Variants in LMBR1 observed in about 807,000 individuals in gnomAD.
LMBR1 encodes limb development membrane protein 1, also known as limb region 1 protein homolog.
In LMBR1, 52 loss-of-function variants were observed where a neutral mutation model predicts 73.9. The ratio of observed to expected loss-of-function variants is 0.70; its 90% CI spans 0.56 to 0.89. The LOEUF (loss-of-function observed/expected upper bound fraction) is 0.89. Ranked by LOEUF, LMBR1 falls within the 40% of genes least tolerant of loss-of-function variation. LMBR1 has a pLI of 0.00. For synonymous variants in LMBR1, 215 were observed against 209.4 expected (o/e 1.03, Z -0.23); for missense variants, 539 against 579.8 (o/e 0.93, Z 0.72).
At position 156,680,879 on chromosome 7, in the gene LMBR1, A is replaced by G. The variant is rs1172321321; in HGVS notation, c.*3199T>C. Reference sequence around the variant, plus strand: ...ATAAATGCTTATAAACCAAATATGAAATCACTTTTTGTACAACTTTTAATT... The same window carrying G: ...ATAAATGCTTATAAACCAAATATGAGATCACTTTTTGTACAACTTTTAATT... On this transcript the variant is annotated 3_prime_UTR_variant, in exon 17 of 17. Coordinates refer to ENST00000353442, the MANE Select transcript of LMBR1 (RefSeq NM_022458.4). 1.7e-5 allele frequency: 4 copies of G among 237,040 alleles called. No homozygotes were observed. Among genetic ancestry groups the G allele is most frequent in the Non-Finnish European group, 8.2e-6 (1 of 122,268 alleles). 14.7% of individuals were successfully genotyped at this position (237,040 alleles called of 1,614,324 possible). A position where few individuals can be genotyped will look rare whatever the true frequency, so the allele number is the denominator to read the frequency against.
At chr7:156,834,689 T>C (rs1051136279) in intron 2 of LMBR1, 6 of 156,810 alleles carry the variant, frequency 3.8e-5, no homozygotes, top group Non-Finnish European at 6.7e-5. Context: ...ATATTAAATA[T>C]ATTGAAATAT....
intron 9 of LMBR1, among the ~76,000 whole-genome samples, chr7:156,748,609 C>T (rs1192902952): frequency 6.6e-6 from 1 of 152,112 alleles, no homozygotes; most frequent in African/African-American, 2.4e-5. Flanking sequence ...CTGCCTCAGC[C>T]TCCCGAGTAG....
chr7:156,825,711 T>G (rs1835567214), intron 4 of LMBR1, among the ~76,000 whole-genome samples: 1 of 152,308 alleles, frequency 6.6e-6, no homozygotes, highest in Admixed American at 6.5e-5. Context: ...CCTAAATAAC[T>G]ATCATAATAG....
At chr7:156,773,953 T>G (rs1042616051) in intron 5 of LMBR1, among the ~76,000 whole-genome samples, 2 of 152,042 alleles carry the variant, frequency 1.3e-5, no homozygotes, top group Non-Finnish European at 2.9e-5. Context: ...GAGACAATAT[T>G]TGCAAACTAT....
chr7:156,781,935 T>C (rs1203748975), intron 5 of LMBR1, among the ~76,000 whole-genome samples: 3 of 152,202 alleles, frequency 2.0e-5, no homozygotes, highest in South Asian at 2.1e-4. Flanking sequence ...ATCTCCAGAA[T>C]GCTTTTCATA....
At chr7:156,761,976 C>CAAAAAAA (rs552712592) in intron 8 of LMBR1, among the ~76,000 whole-genome samples, 158 bp downstream of exon 8, 10 of 104,204 alleles carry the variant, frequency 9.6e-5, no homozygotes, top group African/African-American at 2.4e-4. Flanking sequence ...GACTCTGTCT[C>CAAAAAAA]AAAAAAAAAA....
At chr7:156,697,417 G>C (rs1005919802) in intron 15 of LMBR1, among the ~76,000 whole-genome samples, 1 of 152,134 alleles carries the variant, frequency 6.6e-6, no homozygotes, top group Non-Finnish European at 1.5e-5. Flanking sequence ...AAATTTACCA[G>C]GGCGGAGTTT....
rs550213319 is a variant in LMBR1, at chr7:156,802,129, C to T, written c.320-5637G>A. ...TCCTGAGTAGCTGGGATAACAGGCA[C>T]GCGCCACTGCGCCAGGCTAATTTTT... On this transcript the variant is annotated intron_variant, in intron 4 of 16. Transcript: ENST00000353442. 1.8e-3 allele frequency among the ~76,000 whole-genome samples: 267 copies of T among 152,246 alleles called. 1 individual carries two copies. The highest frequency in any genetic ancestry group is 5.9e-3 in the African/African-American group (243 of 41,534).
chr7:156,876,277 T>C (rs1167062622), intron 1 of LMBR1, among the ~76,000 whole-genome samples: 1 of 152,180 alleles, frequency 6.6e-6, no homozygotes, highest in Non-Finnish European at 1.5e-5. Flanking sequence ...ATCACAATCA[T>C]AAATATATAT....
intron 15 of LMBR1, among the ~76,000 whole-genome samples, chr7:156,703,356 A>G (rs1047491616): frequency 6.6e-6 from 1 of 152,330 alleles, no homozygotes. Context: ...CCCAACTGGC[A>G]CAGGAACCAG....
At chr7:156,689,683 T>C (rs981873362) in intron 15 of LMBR1, among the ~76,000 whole-genome samples, 1 of 152,150 alleles carries the variant, frequency 6.6e-6, no homozygotes, top group African/African-American at 2.4e-5. Context: ...AAACATACAA[T>C]AAAATAGCTT....
chr7:156,779,258 G>A (rs771858128), intron 5 of LMBR1, among the ~76,000 whole-genome samples: 4 of 152,004 alleles, frequency 2.6e-5, no homozygotes, highest in Non-Finnish European at 5.9e-5. Context: ...AAAAAAACCC[G>A]TTAAGTTTAA....
downstream of LMBR1, chr7:156,676,950 C>G: frequency 3.2e-6 from 1 of 317,260 alleles, no homozygotes; most frequent in Non-Finnish European, 5.9e-6. Flanking sequence ...TAGCTAGTGT[C>G]TGAACGACAC....
chr7:156,688,711 C>A (rs1806500088), intron 15 of LMBR1, among the ~76,000 whole-genome samples: 1 of 152,182 alleles, frequency 6.6e-6, no homozygotes, highest in African/African-American at 2.4e-5. Flanking sequence ...GACTCCCCTA[C>A]CTAAAACAGC....
chr7:156,850,436 C>G (rs1796079294), intron 1 of LMBR1, among the ~76,000 whole-genome samples: 1 of 152,300 alleles, frequency 6.6e-6, no homozygotes, highest in Admixed American at 6.5e-5. Flanking sequence ...ATTCAATGTC[C>G]TATATTCCTC....
chr7:156,816,548 C>T (rs1266490402), intron 4 of LMBR1, among the ~76,000 whole-genome samples: 3 of 152,140 alleles, frequency 2.0e-5, no homozygotes, highest in Admixed American at 1.3e-4. Context: ...GTTTCATGTA[C>T]TGATCAACCA....
At chr7:156,793,686 G>C (rs758428389) in intron 5 of LMBR1, among the ~76,000 whole-genome samples, 2 of 152,114 alleles carry the variant, frequency 1.3e-5, no homozygotes, top group African/African-American at 2.4e-5. Flanking sequence ...ACTTATTAGT[G>C]ATTAGTGATA....
Position 156,773,063 on chromosome 7 carries a change from AAT to A in LMBR1, c.424-9270_424-9269del, listed in dbSNP as rs571564705. On this transcript the variant is annotated intron_variant, in intron 5 of 16. Transcript: ENST00000353442. ...AAAATCAGTAGCACTTCTATAGACC[AAT>A]AACATCCAAGAATGGCCACAAAAAA... is the stretch of plus-strand genomic sequence containing the variant. Among the ~76,000 whole-genome samples, 318 of 152,260 alleles carry A rather than the reference AAT, an allele frequency of 2.1e-3. 2 individuals are homozygous for A. Among genetic ancestry groups the A allele is most frequent in the African/African-American group, 7.3e-3 (302 of 41,538 alleles).
intron 15 of LMBR1, among the ~76,000 whole-genome samples, chr7:156,706,768 A>ATGAAAGATAC (rs1811020914): frequency 6.6e-6 from 1 of 152,150 alleles, no homozygotes; most frequent in Non-Finnish European, 1.5e-5. Flanking sequence ...AAGTGACTAC[A>ATGAAAGATAC]TGAAAGATAC....
Sources: allele counts gnomAD v4.1 joint callset (sites outside exome capture counted in the v4.1 genomes callset), GRCh38; gene constraint gnomAD v4.1.1; transcripts MANE v1.5; gene names NCBI Gene and HGNC (gene_info 2026-07-23, HGNC 2026-07-21).